SPACA7: variants seen among roughly 807,000 people sequenced by gnomAD.
SPACA7 encodes the protein sperm acrosome associated 7.
In SPACA7, 19 loss-of-function variants were observed where a neutral mutation model predicts 26.3. The ratio of observed to expected loss-of-function variants is 0.72; its 90% CI spans 0.50 to 1.06. The LOEUF is 1.06. Among genes scored for constraint, SPACA7 ranks in the 50% least tolerant of loss-of-function variants. The pLI, the probability that SPACA7 is intolerant of heterozygous loss-of-function variation, is 0.00. For synonymous variants in SPACA7, 84 were observed against 84.5 expected, an observed-to-expected ratio of 0.99 and a Z score of 0.04; for missense variants, 211 against 229.9, an observed-to-expected ratio of 0.92 and a Z score of 0.53.
At chr13:112,384,066 G>A (rs1566454375) in intron 1 of SPACA7, among the ~76,000 whole-genome samples, 1 of 152,158 alleles carries the variant, frequency 6.6e-6, no homozygotes. Context: ...AAAACAAAAG[G>A]TTTAGCAATG....
intron 1 of SPACA7, among the ~76,000 whole-genome samples, chr13:112,377,951 G>C (rs1356560720): frequency 7.9e-5 from 12 of 152,174 alleles, no homozygotes; most frequent in Admixed American, 7.9e-4. Context: ...GAAGATTTCT[G>C]GATTTTGGGC....
At chr13:112,433,134 G>A (rs759651678) in intron 6 of SPACA7, among the ~76,000 whole-genome samples, 1,146 of 146,274 alleles carry the variant, frequency 7.8e-3, no homozygotes, top group East Asian at 0.02. Flanking sequence ...GAGTCACATG[G>A]CAGCCCAGTG....
rs1398230471 is a variant in SPACA7 at position 112,383,129 on chromosome 13, GAAAGAA to G, written c.94+6652_94+6657del. On this transcript the variant is annotated intron_variant, in intron 1 of 6. Coordinates refer to ENST00000283550, the MANE Select transcript of SPACA7 (RefSeq NM_145248.5). Reference sequence around the variant, plus strand: ...AGAAAAGAAAAGAAAAGAAAAGAAAGAAAGAAAGAAAGAAAGAAAGAAAGAAAGAAA... The same window carrying G: ...AGAAAAGAAAAGAAAAGAAAAGAAAGAGAAAGAAAGAAAGAAAGAAAGAAA... Among the ~76,000 whole-genome samples, 4 of 8,278 alleles carry G rather than the reference GAAAGAA, an allele frequency of 4.8e-4. 1 individual carries two copies. The South Asian group carries it at 9.5e-3, about 20-fold the overall frequency. The allele number at this position is 8,278 out of a possible 152,430, so 5.4% of individuals were successfully genotyped here. A position where few individuals can be genotyped will look rare whatever the true frequency, so the allele number is the denominator to read the frequency against.
At chr13:112,394,642 A>G (rs902214568) in intron 2 of SPACA7, among the ~76,000 whole-genome samples, 1 of 152,156 alleles carries the variant, frequency 6.6e-6, no homozygotes, top group African/African-American at 2.4e-5. Context: ...CGCCCCGTCC[A>G]CTTTCTGGGT....
intron 1 of SPACA7, 40 bp from the exon 2 acceptor site, chr13:112,392,981 A>G (rs1416271289): frequency 5.1e-6 from 8 of 1,570,806 alleles, no homozygotes. Flanking sequence ...TGCAAATTCA[A>G]TGAACATTGT....
chr13:112,382,203 G>C (rs1160454311), intron 1 of SPACA7: 1 of 465,230 alleles, frequency 2.1e-6, no homozygotes, highest in Non-Finnish European at 3.8e-6. Flanking sequence ...TTGCAAACGT[G>C]GTTTCAATCT....
At chr13:112,383,314 T>C (rs1884327878) in intron 1 of SPACA7, among the ~76,000 whole-genome samples, 1 of 152,096 alleles carries the variant, frequency 6.6e-6, no homozygotes, top group Non-Finnish European at 1.5e-5. Context: ...CAAAAAAACC[T>C]TAAGAAGCAC....
At chr13:112,407,025 C>T (rs1350298136) in intron 5 of SPACA7, among the ~76,000 whole-genome samples, 1 of 152,168 alleles carries the variant, frequency 6.6e-6, no homozygotes, top group Non-Finnish European at 1.5e-5. Flanking sequence ...GTCTCTCAGA[C>T]CACAGTGCAA....
At chr13:112,389,543 G>A (rs1297325036) in intron 1 of SPACA7, among the ~76,000 whole-genome samples, 1 of 152,104 alleles carries the variant, frequency 6.6e-6, no homozygotes. Flanking sequence ...TCTGTTTCTG[G>A]GAGTCCTGGG....
At chr13:112,426,897 A>G (rs770413812) in intron 5 of SPACA7, among the ~76,000 whole-genome samples, 8 of 152,162 alleles carry the variant, frequency 5.3e-5, no homozygotes, top group Non-Finnish European at 1.0e-4. Flanking sequence ...CTGTATCACT[A>G]GTTAGGATCT....
intron 5 of SPACA7, among the ~76,000 whole-genome samples, chr13:112,430,168 C>CTGTG (rs1471577074): frequency 0.024 from 2,825 of 115,724 alleles, 45 homozygotes; most frequent in Middle Eastern, 0.066. Context: ...CCTTGCATCT[C>CTGTG]TCTCTCTGTG....
Position 112,414,388 on chromosome 13 carries a change from C to CTTTTTTTT in SPACA7, c.445+13257_445+13264dup, listed in dbSNP as rs869183760. 1.8e-3 allele frequency among the ~76,000 whole-genome samples: 57 copies of CTTTTTTTT among 31,396 alleles called. 24 individuals are homozygous for CTTTTTTTT. The highest frequency in any genetic ancestry group is 2.4e-3 in the East Asian group (2 of 820). The allele number at this position is 31,396 out of a possible 152,430, so 20.6% of individuals were successfully genotyped here. The stretch of plus-strand genomic sequence containing the variant: ...AAGTTTCTGAATGGCTTTTCTGTGT[C>CTTTTTTTT]TTTTTTTTTTTTTTTTTTTTTTTTT... On this transcript the variant is annotated intron_variant, in intron 5 of 6. Coordinates refer to ENST00000283550, the MANE Select transcript of SPACA7 (RefSeq NM_145248.5).
At chr13:112,410,056 G>C (rs937673224) in intron 5 of SPACA7, among the ~76,000 whole-genome samples, 4 of 152,152 alleles carry the variant, frequency 2.6e-5, no homozygotes, top group Non-Finnish European at 4.4e-5. Flanking sequence ...ATGAGTTCAT[G>C]TCCTTTGTAG....
intron 5 of SPACA7, among the ~76,000 whole-genome samples, chr13:112,423,960 T>C (rs1225129377): frequency 6.6e-6 from 1 of 152,218 alleles, no homozygotes; most frequent in Non-Finnish European, 1.5e-5. Flanking sequence ...CCAGCTGAAG[T>C]ATCTGCCAGT....
chr13:112,377,052 T>A (rs1487943467), intron 1 of SPACA7, among the ~76,000 whole-genome samples: 5 of 152,182 alleles, frequency 3.3e-5, no homozygotes, highest in Admixed American at 6.5e-5. Context: ...TGGTGTCTCA[T>A]AATAGTGGAG....
chr13:112,432,802 G>A lies in SPACA7; in HGVS notation c.523+281G>A, dbSNP rs148693616. On this transcript the variant is annotated intron_variant, in intron 6 of 6. Transcript: ENST00000283550. ...TCCCCCTTTTCCCAAGAATAATCAG[G>A]ACTCACAAGGCTGCCACCACCCACC... Among the ~76,000 whole-genome samples the A allele has an allele frequency of 3.4e-3, 521 of 152,266 alleles. 12 individuals carry two copies. Among genetic ancestry groups the A allele is most frequent in the Admixed American group, 0.031 (476 of 15,296 alleles).
rs992478013 is a variant in SPACA7, at chr13:112,410,536, G to T, written c.445+9372G>T. 3.9e-5 allele frequency among the ~76,000 whole-genome samples: 6 copies of T among 152,150 alleles called. No individual in the cohort carries two copies. The East Asian group carries it at 1.2e-3, about 29-fold the overall frequency. Reference sequence around the variant, plus strand: ...TTCTGACACATAGTAAAACAGTGATGACCCTTGCAGATATTATGCTAAGTG... The same window carrying T: ...TTCTGACACATAGTAAAACAGTGATTACCCTTGCAGATATTATGCTAAGTG... On this transcript the variant is annotated intron_variant, in intron 5 of 6. Transcript: ENST00000283550.
chr13:112,383,055 A>G (rs1216119954), intron 1 of SPACA7, among the ~76,000 whole-genome samples: 3 of 149,170 alleles, frequency 2.0e-5, no homozygotes, highest in African/African-American at 7.4e-5. Flanking sequence ...ACAGAAGGAA[A>G]GAAAGAGACA....
chr13:112,422,015 G>T (rs1217010971), intron 5 of SPACA7, among the ~76,000 whole-genome samples: 1 of 152,100 alleles, frequency 6.6e-6, no homozygotes, highest in Non-Finnish European at 1.5e-5. Flanking sequence ...TAGGGACTAG[G>T]CTTAATTGCT....
Sources: gnomAD v4.1 joint callset for allele counts (sites outside exome capture counted in the v4.1 genomes callset) on GRCh38, gnomAD v4.1.1 for gene constraint, MANE v1.5 for transcripts, NCBI Gene and HGNC (gene_info 2026-07-23, HGNC 2026-07-21) for gene names.